Variants in WDR47 observed in about 807,000 individuals in gnomAD.
WDR47 encodes WD repeat-containing protein 47.
Under a neutral mutation model 97.2 loss-of-function variants are expected in WDR47, and 32 were observed. The ratio of observed to expected loss-of-function variants is 0.33; its 90% confidence interval spans 0.25 to 0.44. WDR47 has a LOEUF of 0.44. Ranked by LOEUF, WDR47 falls within the 20% of genes least tolerant of loss-of-function variation. WDR47 has a pLI of 1.00. For missense variants in WDR47, 782 were observed against 1,102.3 expected (o/e 0.71, Z 4.11); for synonymous variants, 375 against 373.5 (o/e 1.00, Z -0.05).
At chr1:109,000,250 C>T (rs1417708209) in intron 7 of WDR47, among the ~76,000 whole-genome samples, 1 of 152,036 alleles carries the variant, frequency 6.6e-6, no homozygotes, top group Non-Finnish European at 1.5e-5. Context: ...GTGGCTTACA[C>T]CTGTAATCCC....
Position 109,010,904 on chromosome 1 carries a change from C to T in WDR47, c.1130+12G>A. ...GCCTAAGATTTCCTAATTTTTATAA[C>T]CAAATGCTTACCGCTCAGGGGATTC... is the stretch of plus-strand genomic sequence containing the variant. On this transcript the variant is annotated intron_variant, in intron 5 of 14. Transcript: ENST00000369962. 2 of 1,596,626 alleles carry T rather than the reference C, an allele frequency of 1.3e-6. No homozygotes were observed. Among genetic ancestry groups the T allele is most frequent in the Non-Finnish European group, 1.7e-6 (2 of 1,169,910 alleles).
At chr1:108,984,215 G>A (rs918732635) in intron 10 of WDR47, among the ~76,000 whole-genome samples, 5 of 152,130 alleles carry the variant, frequency 3.3e-5, no homozygotes, top group Admixed American at 6.6e-5. Flanking sequence ...TCAAGAGTTT[G>A]TCCTTTAATG....
At chr1:109,038,326 G>C (rs2102065416) in intron 1 of WDR47, among the ~76,000 whole-genome samples, 1 of 152,268 alleles carries the variant, frequency 6.6e-6, no homozygotes, top group South Asian at 2.1e-4. Context: ...ACTGTGCTGT[G>C]AAGTATAAAA....
At chr1:109,032,508 A>AG (rs1473984766) in intron 1 of WDR47, among the ~76,000 whole-genome samples, 1 of 89,800 alleles carries the variant, frequency 1.1e-5, no homozygotes, top group Non-Finnish European at 2.6e-5. Context: ...ACTGTCTCAA[A>AG]AAAAAAAAAA....
chr1:108,978,775 G>A (rs914115161), intron 13 of WDR47, among the ~76,000 whole-genome samples: 6 of 152,192 alleles, frequency 3.9e-5, no homozygotes, highest in African/African-American at 1.4e-4. Flanking sequence ...GCATGACACT[G>A]AGAGCTGAAG....
At position 108,991,109 on chromosome 1, in the gene WDR47, C is replaced by CT. The variant is rs202193366; in HGVS notation, c.1767+144dup. On this transcript the variant is annotated intron_variant, in intron 9 of 14. Coordinates refer to ENST00000369962, the MANE Select transcript of WDR47 (RefSeq NM_001142551.2). ...TACTCTACAATCTCAAACTTCTGGG[C>CT]TCAAGACATTCTTCTGCCTCGGCCT... 226 of 607,494 alleles carry CT rather than the reference C, an allele frequency of 3.7e-4. 2 individuals are homozygous for CT. In the East Asian group the frequency reaches 6.4e-3, roughly 17 times the overall value. 37.6% of individuals were successfully genotyped at this position (607,494 alleles called of 1,614,324 possible). A position where few individuals can be genotyped will look rare whatever the true frequency, so the allele number is the denominator to read the frequency against.
chr1:109,010,894 A>G, intron 5 of WDR47, 22 bp downstream of exon 5: 1 of 1,584,180 alleles, frequency 6.3e-7, no homozygotes, highest in Non-Finnish European at 8.6e-7. Flanking sequence ...AGATTTCCTA[A>G]TTTTTATAAC....
chr1:108,976,591 A>C (rs1379631668), intron 13 of WDR47, among the ~76,000 whole-genome samples: 2 of 152,198 alleles, frequency 1.3e-5, no homozygotes, highest in Admixed American at 6.5e-5. Context: ...TGAAACTTAA[A>C]ATCTATTGGA....
At chr1:109,038,867 T>G (rs1021327063) in intron 1 of WDR47, among the ~76,000 whole-genome samples, 2 of 151,992 alleles carry the variant, frequency 1.3e-5, no homozygotes, top group African/African-American at 4.8e-5. Context: ...CAATCCCAGC[T>G]ACTTGGGAGG....
intron 6 of WDR47, 24 bp from the exon 7 acceptor site, chr1:109,002,426 T>C (rs1400699932): frequency 2.0e-6 from 3 of 1,523,418 alleles, no homozygotes; most frequent in Non-Finnish European, 2.6e-6. Context: ...GAAAAAAACA[T>C]ATATATTTGA....
chr1:109,001,710 C>G (rs1437798890), intron 7 of WDR47, among the ~76,000 whole-genome samples: 1 of 151,792 alleles, frequency 6.6e-6, no homozygotes, highest in Non-Finnish European at 1.5e-5. Flanking sequence ...GGCAACAAGG[C>G]AAAACCCTAT....
intron 5 of WDR47, among the ~76,000 whole-genome samples, chr1:109,009,486 T>C (rs1216473404): frequency 6.6e-6 from 1 of 152,200 alleles, no homozygotes; most frequent in African/African-American, 2.4e-5. Flanking sequence ...AGTTGTTCAC[T>C]ACACTACTAT....
chr1:109,009,810 C>T (rs934309512), intron 5 of WDR47, among the ~76,000 whole-genome samples: 1 of 151,926 alleles, frequency 6.6e-6, no homozygotes, highest in Non-Finnish European at 1.5e-5. Flanking sequence ...CCAGCCTGGC[C>T]AACGTGGTAA....
At chr1:109,007,962 C>G (rs981643733) in intron 5 of WDR47, among the ~76,000 whole-genome samples, 1 of 151,930 alleles carries the variant, frequency 6.6e-6, no homozygotes, top group African/African-American at 2.4e-5. Context: ...ATTAGCCAGG[C>G]ACAGTGGCGG....
intron 9 of WDR47, among the ~76,000 whole-genome samples, chr1:108,988,757 A>C (rs1258944556): frequency 3.3e-5 from 5 of 152,016 alleles, no homozygotes; most frequent in Admixed American, 3.3e-4. Context: ...TGAATGTTTC[A>C]TTTCTACTTT....
At chr1:109,012,654 T>G (rs554646754) in intron 4 of WDR47, among the ~76,000 whole-genome samples, 1 of 151,342 alleles carries the variant, frequency 6.6e-6, no homozygotes, top group African/African-American at 2.4e-5. Flanking sequence ...AATGGAAGCT[T>G]AGCTGAGAGA....
At chr1:109,015,336 C>T (rs1313617985) in intron 3 of WDR47, among the ~76,000 whole-genome samples, 1 of 152,048 alleles carries the variant, frequency 6.6e-6, no homozygotes, top group Non-Finnish European at 1.5e-5. Context: ...TATTGATTGA[C>T]TGATTGAGAC....
chr1:108,980,142 CTG>C (rs1658232305), intron 13 of WDR47, among the ~76,000 whole-genome samples: 1 of 146,068 alleles, frequency 6.8e-6, no homozygotes, highest in African/African-American at 2.5e-5. Flanking sequence ...CATGGAAAAA[CTG>C]TCTTCCACGA....
intron 8 of WDR47, chr1:108,992,820 T>A (rs564892322): frequency 7.1e-6 from 11 of 1,558,076 alleles, no homozygotes; most frequent in Middle Eastern, 2.3e-4. Flanking sequence ...AAACAAAAAC[T>A]TATGGCACGG....
Sources: allele counts gnomAD v4.1 joint callset (sites outside exome capture counted in the v4.1 genomes callset), GRCh38; gene constraint gnomAD v4.1.1; transcripts MANE v1.5; gene names NCBI Gene and HGNC (gene_info 2026-07-23, HGNC 2026-07-21).